TNK1: variants seen among roughly 807,000 people sequenced by gnomAD.
TNK1 encodes non-receptor tyrosine-protein kinase TNK1.
In TNK1, 53 loss-of-function variants were observed where a neutral mutation model predicts 65.2. That is an observed-to-expected ratio of 0.81 (90% confidence interval 0.65 to 1.02). TNK1 has a LOEUF of 1.02. Ranked by LOEUF, TNK1 falls within the 50% of genes least tolerant of loss-of-function variation. The probability of loss-of-function intolerance (pLI) is 0.00; values close to 1 mark genes in which losing one functional copy is unlikely to be tolerated. For synonymous variants in TNK1, 353 were observed against 364.6 expected (o/e 0.97, Z 0.36); for missense variants, 837 against 878.4 (o/e 0.95, Z 0.60).
Position 7,388,687 on chromosome 17 carries a change from C to A in TNK1, c.1759C>A (p.Gln587Lys). 1 of 1,613,232 alleles carries A rather than the reference C, an allele frequency of 6.2e-7. No homozygotes were observed. The highest frequency in any genetic ancestry group is 8.5e-7 in the Non-Finnish European group (1 of 1,179,484). The stretch of plus-strand genomic sequence containing the variant: ...AGGCCTCTTGTCCGATCCTGAGTTG[C>A]AGAGGAAGATTATGGAGGTGAGGTC... ...SGGLLSDPEL[Q>K]RKIMEVELSV... Residue 587 changes from glutamine to lysine, a missense_variant, in exon 11 of 13, where the codon CAG (glutamine) becomes AAG (lysine). Physicochemically the swap from Gln to Lys is moderately conservative, Grantham distance 53. Transcript: ENST00000688331. The surrounding 1 kb of genome is among the most constrained non-coding windows in gnomAD (Gnocchi z 4.5).
chr17:7,387,241 G>C, intron 9 of TNK1, 87 bp downstream of exon 9: 1 of 1,515,634 alleles, frequency 6.6e-7, no homozygotes, highest in Admixed American at 2.1e-5. Context: ...CCTGGGGACA[G>C]GACCAGAGTG....
In TNK1 at chr17:7,388,316, T is replaced by C; in HGVS notation, c.1478-90T>C. The C allele has an allele frequency of 1.5e-6, 2 of 1,358,510 alleles. No homozygotes were observed. The highest frequency in any genetic ancestry group is 2.0e-6 in the Non-Finnish European group (2 of 995,560). 84.2% of individuals were successfully genotyped at this position (1,358,510 alleles called of 1,614,324 possible). A position where few individuals can be genotyped will look rare whatever the true frequency, so the allele number is the denominator to read the frequency against. On this transcript the variant is annotated intron_variant, in intron 10 of 12. Coordinates refer to ENST00000688331, the MANE Select transcript of TNK1 (RefSeq NM_003985.6). The surrounding 1 kb of genome is among the most constrained non-coding windows in gnomAD (Gnocchi z 4.5). The stretch of plus-strand genomic sequence containing the variant: ...GGCAGGCACCTATAGTCCCAGCTAC[T>C]CGGGAGGCTGAGGTGGGAGGATCGC...
In TNK1 at chr17:7,388,649, C is replaced by CT; in HGVS notation, c.1722dup (p.Ala575CysfsTer11). The CT allele has an allele frequency of 6.2e-7, 1 of 1,613,996 alleles. No individual in the cohort carries two copies. Among genetic ancestry groups the CT allele is most frequent in the South Asian group, 1.1e-5 (1 of 91,084 alleles). ...GGAATGCCTGGAGCCCGTAAAGCCG[C>CT]TGCCCTCTCTGGAGGCCTCTTGTCC... On this transcript the variant is annotated frameshift_variant, in exon 11 of 13. Transcript: ENST00000688331. LOFTEE classifies it high-confidence loss of function. The surrounding 1 kb of genome is among the most constrained non-coding windows in gnomAD (Gnocchi z 4.5).
chr17:7,381,613 G>A (rs1351166384), intron 1 of TNK1, among the ~76,000 whole-genome samples: 1 of 152,232 alleles, frequency 6.6e-6, no homozygotes, highest in Non-Finnish European at 1.5e-5. Flanking sequence ...GTACCTGACA[G>A]CCTCAGTGGC....
chr17:7,384,638 C>T lies in TNK1; in HGVS notation c.1021C>T (p.Arg341Trp), dbSNP rs369725786. ...CCTGCAGCGGCTGGAGGACAGAGCC[C>T]GGCTGCCTAGGCCTCCCCTCTGCTC... The part of the protein sequence containing the change: ...LILQRLEDRA[R>W]LPRPPLCSRA... Residue 341 changes from arginine to tryptophan, a missense_variant, in exon 7 of 13, where the codon CGG becomes TGG. Transcript: ENST00000688331. 6.2e-7 allele frequency: 1 copy of T among 1,609,618 alleles called. No homozygotes were observed. The highest frequency in any genetic ancestry group is 1.3e-5 in the African/African-American group (1 of 75,006).
intron 7 of TNK1, 92 bp from the exon 8 acceptor site, chr17:7,386,469 A>C: frequency 1.0e-6 from 1 of 996,364 alleles, no homozygotes; most frequent in Non-Finnish European, 1.5e-6. Context: ...CACAGACTAC[A>C]TACAGAGCGG....
chr17:7,385,725 T>A (rs12945656), intron 7 of TNK1, among the ~76,000 whole-genome samples: 1 of 151,742 alleles, frequency 6.6e-6, no homozygotes, highest in Non-Finnish European at 1.5e-5. Flanking sequence ...CCACCACGCC[T>A]GGCTAATTTT....
chr17:7,386,916 C>T, intron 8 of TNK1, 74 bp from the exon 9 acceptor site: 1 of 1,465,750 alleles, frequency 6.8e-7, no homozygotes, highest in East Asian at 2.5e-5. Context: ...GCCTAGTGAG[C>T]TGACTGTGGG....
chr17:7,383,103 G>A lies in TNK1; in HGVS notation c.163+14G>A, dbSNP rs770949791. 9 of 1,613,680 alleles carry A rather than the reference G, an allele frequency of 5.6e-6. No individual in the cohort carries two copies. In the South Asian group the frequency reaches 6.6e-5, roughly 12 times the overall value. Reference sequence around the variant, plus strand: ...TGGGCCGGCCTGGTGAGGGACCCCTGCCCCGAGGCCCTGGTCTCTCTGTCC... The same window carrying A: ...TGGGCCGGCCTGGTGAGGGACCCCTACCCCGAGGCCCTGGTCTCTCTGTCC... On this transcript the variant is annotated intron_variant, in intron 2 of 12. Transcript: ENST00000688331.
Position 7,388,320 on chromosome 17 carries a change from G to A in TNK1, c.1478-86G>A, listed in dbSNP as rs1014122634. ...GGCACCTATAGTCCCAGCTACTCGG[G>A]AGGCTGAGGTGGGAGGATCGCTTGA... On this transcript the variant is annotated intron_variant, in intron 10 of 12. Coordinates refer to ENST00000688331, the MANE Select transcript of TNK1 (RefSeq NM_003985.6). The surrounding 1 kb of genome is among the most constrained non-coding windows in gnomAD (Gnocchi z 4.5). The A allele has an allele frequency of 1.5e-5, 21 of 1,387,664 alleles. No individual in the cohort carries two copies. The highest frequency in any genetic ancestry group is 2.3e-5 in the Admixed American group (1 of 43,220). 86.0% of individuals were successfully genotyped at this position (1,387,664 alleles called of 1,614,324 possible).
intron 5 of TNK1, 25 bp downstream of exon 5, chr17:7,383,889 C>T: frequency 6.3e-7 from 1 of 1,594,640 alleles, no homozygotes. Flanking sequence ...CCGCTGGTTC[C>T]CGGGACAGCC....
Position 7,382,559 on chromosome 17 carries a change from C to G in TNK1, c.-91-277C>G, listed in dbSNP as rs1334307037. Among the ~76,000 whole-genome samples, 2 of 152,098 alleles carry G rather than the reference C, an allele frequency of 1.3e-5. No individual in the cohort carries two copies. Among genetic ancestry groups the G allele is most frequent in the African/African-American group, 4.8e-5 (2 of 41,420 alleles). On this transcript the variant is annotated intron_variant, in intron 1 of 12. Coordinates refer to ENST00000688331, the MANE Select transcript of TNK1 (RefSeq NM_003985.6). The surrounding 1 kb of genome is among the most constrained non-coding windows in gnomAD (Gnocchi z 4.1). ...GTTTGTGCCACTGCGTAGCTCAGGT[C>G]TAAAAGGGCAGTGTTTCTGGGTGTC...
intron 6 of TNK1, 83 bp from the exon 7 acceptor site, chr17:7,384,401 G>C: frequency 6.9e-7 from 1 of 1,446,314 alleles, no homozygotes; most frequent in Non-Finnish European, 9.1e-7. Context: ...TGTGAAAGAT[G>C]GGTGCACTCG....
intron 9 of TNK1, 101 bp downstream of exon 9, chr17:7,387,255 C>A: frequency 6.7e-7 from 1 of 1,502,230 alleles, no homozygotes; most frequent in Non-Finnish European, 8.9e-7. Context: ...CAGAGTGAAG[C>A]TGCAGCCTCC....
chr17:7,381,034 G>C (rs1388274797), upstream of TNK1: 1 of 152,316 alleles, frequency 6.6e-6, no homozygotes, highest in Non-Finnish European at 1.5e-5. Flanking sequence ...GCCCTCCGCG[G>C]GATTTACTCC....
Position 7,384,062 on chromosome 17 carries a change from C to A in TNK1, c.675C>A (p.Phe225Leu), listed in dbSNP as rs1480371312. ...TGCTCGTGGCCCTGCTCTGCCTCTT[C>A]CTGCGGCAGCTGGCGGGAGCCATGG... is the stretch of plus-strand genomic sequence containing the variant. ...PPLLVALLCLFLRQLAGAMAY... is the reference protein window; with the variant it reads ...PPLLVALLCLLLRQLAGAMAY... Residue 225 changes from phenylalanine to leucine, a missense_variant, in exon 6 of 13, where the codon TTC becomes TTA. Physicochemically the swap from Phe to Leu is conservative, Grantham distance 22. Coordinates refer to ENST00000688331, the MANE Select transcript of TNK1 (RefSeq NM_003985.6). 2.0e-6 allele frequency: 3 copies of A among 1,535,960 alleles called. No individual in the cohort carries two copies. Among genetic ancestry groups the A allele is most frequent in the Non-Finnish European group, 2.6e-6 (3 of 1,147,538 alleles).
At chr17:7,381,989 C>T (rs1287144638) in intron 1 of TNK1, among the ~76,000 whole-genome samples, 6 of 152,198 alleles carry the variant, frequency 3.9e-5, no homozygotes, top group African/African-American at 7.2e-5. Context: ...ATATATCGGC[C>T]GGGCGCAGTG....
chr17:7,387,419 G>C lies in TNK1; in HGVS notation c.1439G>C (p.Arg480Pro), dbSNP rs774253029. The part of the protein sequence containing the change: ...KANLWDAPPA[R>P]GQRRNMPLER... ...AATCTTTGGGATGCGCCCCCAGCAC[G>C]GGGCCAGAGGAGGAACATGCCCCTG... The change falls in exon 10 of 13, where the codon CGG becomes CCG. Residue 480 changes from arginine (R) to proline (P), a missense_variant. By Grantham distance (103) the Arg-to-Pro change is moderately radical. Coordinates refer to ENST00000688331, the MANE Select transcript of TNK1 (RefSeq NM_003985.6). 3 of 1,604,892 alleles carry C rather than the reference G, an allele frequency of 1.9e-6. No homozygotes were observed. The highest frequency in any genetic ancestry group is 2.2e-5 in the East Asian group (1 of 44,524).
At chr17:7,385,627 G>A in intron 7 of TNK1, among the ~76,000 whole-genome samples, 1 of 151,864 alleles carries the variant, frequency 6.6e-6, no homozygotes, top group Admixed American at 6.6e-5. Context: ...TGCAGTGGTG[G>A]GATCTTGGCT....
Sources: allele counts gnomAD v4.1 joint callset (sites outside exome capture counted in the v4.1 genomes callset), GRCh38; gene constraint gnomAD v4.1.1; non-coding constraint Gnocchi (gnomAD v3.1); transcripts MANE v1.5; gene names NCBI Gene and HGNC (gene_info 2026-07-23, HGNC 2026-07-21).